Variants in GGA3 observed in about 807,000 individuals in gnomAD.
GGA3 encodes golgi associated, gamma adaptin ear containing, ARF binding protein 3.
GGA3 carries 57 observed loss-of-function variants against 77.5 expected under a neutral mutation model. That is an observed-to-expected ratio of 0.74 (90% CI 0.59 to 0.92). The LOEUF is 0.92. GGA3 is among the 40% of genes least tolerant of loss of function. GGA3 has a pLI of 0.00. For missense variants in GGA3, 970 were observed against 914.9 expected, an observed-to-expected ratio of 1.06 and a Z score of -0.78; for synonymous variants, 416 against 383.7, an observed-to-expected ratio of 1.08 and a Z score of -0.98.
chr17:75,251,609 G>C (rs763372081), intron 1 of GGA3, among the ~76,000 whole-genome samples: 3 of 150,738 alleles, frequency 2.0e-5, no homozygotes, highest in Non-Finnish European at 4.4e-5. Flanking sequence ...GGGAGGCTGA[G>C]GCAGGAGAAT....
In GGA3 at chr17:75,237,719, G is replaced by A; in HGVS notation, c.*560C>T. 6.9e-7 allele frequency: 1 copy of A among 1,442,522 alleles called. No individual in the cohort carries two copies. The allele number at this position is 1,442,522 out of a possible 1,614,324, so 89.4% of individuals were successfully genotyped here. A position where few individuals can be genotyped will look rare whatever the true frequency, so the allele number is the denominator to read the frequency against. On this transcript the variant is annotated 3_prime_UTR_variant, in exon 17 of 17. Transcript: ENST00000537686. ...ATGCTGTCCACCAGAGGCAGGGCTGGGGACTTTGCAGTATGCCAGTTCCTT... is the reference window on the plus strand; with the variant it reads ...ATGCTGTCCACCAGAGGCAGGGCTGAGGACTTTGCAGTATGCCAGTTCCTT...
Position 75,239,540 on chromosome 17 carries a change from G to C in GGA3, c.1615C>G (p.Pro539Ala). The change falls in exon 14 of 17, where the codon CCT (proline) becomes GCT (alanine). Residue 539 changes from proline to alanine, a missense_variant. By Grantham distance (27) the Pro-to-Ala change is conservative. Transcript: ENST00000537686. ...TSGLVKPTTSPLIPTTTPARP... is the reference protein window; with the variant it reads ...TSGLVKPTTSALIPTTTPARP... ...GCTGGGGTGGTGGTGGGGATGAGAG[G>C]GGAGGTAGTGGGTTTCACCAAGCCC... 6.4e-7 allele frequency: 1 copy of C among 1,560,964 alleles called. No individual in the cohort carries two copies. The highest frequency in any genetic ancestry group is 8.7e-7 in the Non-Finnish European group (1 of 1,153,600).
chr17:75,244,302 G>C, intron 4 of GGA3: 1 of 288,802 alleles, frequency 3.5e-6, no homozygotes, highest in South Asian at 3.7e-5. Context: ...CACAGGCCAA[G>C]AAAACCCACA....
intron 1 of GGA3, among the ~76,000 whole-genome samples, chr17:75,260,808 A>C (rs1340911551): frequency 6.6e-6 from 1 of 152,148 alleles, no homozygotes; most frequent in African/African-American, 2.4e-5. Context: ...TTCACAGTGC[A>C]ATGACAGCAA....
Position 75,243,471 on chromosome 17 carries a change from C to T in GGA3, c.400G>A (p.Ala134Thr), listed in dbSNP as rs369084305. Residue 134 changes from alanine to threonine, a missense_variant, in exon 5 of 17, where the codon GCC becomes ACC. Ala to Thr is a moderately conservative substitution (Grantham distance 58). Coordinates refer to ENST00000537686, the MANE Select transcript of GGA3 (RefSeq NM_138619.4). ...ALPEEAKIKD[A>T]YHMLKRQGIV... ...CCCTGTCTCTTCAGCATGTGGTAGG[C>T]GTCTTTGATCTTTGCTTCTTCTGGC... 64 of 1,614,062 alleles carry T rather than the reference C, an allele frequency of 4.0e-5. No individual in the cohort carries two copies. Among genetic ancestry groups the T allele is most frequent in the African/African-American group, 5.3e-5 (4 of 74,914 alleles).
rs1464300848 is a variant in GGA3, at chr17:75,246,367, C to G, written c.201+142G>C. The G allele has an allele frequency of 3.6e-5, 23 of 634,462 alleles. No homozygotes were observed. The Admixed American group carries it at 5.5e-4, about 15-fold the overall frequency. The allele number at this position is 634,462 out of a possible 1,614,324, so 39.3% of individuals were successfully genotyped here. ...CAGATTTGTGGAACAGCTGGCTGAA[C>G]AGATTCGAGATCTATCTAGTCTGTA... On this transcript the variant is annotated intron_variant, in intron 3 of 16. Coordinates refer to ENST00000537686, the MANE Select transcript of GGA3 (RefSeq NM_138619.4).
chr17:75,244,418 G>C (rs1015732147), intron 4 of GGA3: 16 of 548,020 alleles, frequency 2.9e-5, no homozygotes, highest in Non-Finnish European at 5.3e-5. Context: ...GATTTGGGCT[G>C]AGGGCGCTTC....
chr17:75,245,621 C>G (rs2076728634), intron 3 of GGA3, among the ~76,000 whole-genome samples: 1 of 152,106 alleles, frequency 6.6e-6, no homozygotes, highest in African/African-American at 2.4e-5. Flanking sequence ...ACTTCCCAGG[C>G]TCAAGCCATC....
At position 75,246,725 on chromosome 17, in the gene GGA3, T is replaced by C. The variant is rs2076771032; in HGVS notation, c.112A>G (p.Lys38Glu). Residue 38 changes from lysine to glutamate, a missense_variant, in exon 2 of 17, where the codon AAG becomes GAG. Coordinates refer to ENST00000537686, the MANE Select transcript of GGA3 (RefSeq NM_138619.4). ...YIIGFCDQIN[K>E]ELEGPQIAVR... ...GCTGAGACTCACCCTTCCAGCTCCT[T>C]GTTGATCTGATCACAGAAGCCAATT... is the stretch of plus-strand genomic sequence containing the variant. The C allele has an allele frequency of 6.2e-7, 1 of 1,613,796 alleles. No individual in the cohort carries two copies. The highest frequency in any genetic ancestry group is 1.6e-4 in the Middle Eastern group (1 of 6,062).
intron 1 of GGA3, among the ~76,000 whole-genome samples, chr17:75,256,724 A>C (rs1348238223): frequency 6.6e-6 from 1 of 152,058 alleles, no homozygotes; most frequent in Non-Finnish European, 1.5e-5. Context: ...CTCAGGGATT[A>C]TTCAGGCCCC....
chr17:75,262,013 GC>G (rs2077406694), upstream of GGA3: 4 of 1,599,992 alleles, frequency 2.5e-6, no homozygotes, highest in East Asian at 6.7e-5. Context: ...CGGCGGGGGG[GC>G]GCTGCGAGGA....
At chr17:75,239,727 C>G in intron 13 of GGA3, 62 bp downstream of exon 13, 1 of 1,581,068 alleles carries the variant, frequency 6.3e-7, no homozygotes, top group Admixed American at 1.7e-5. Context: ...TCAAAGTTAG[C>G]TCTGGTTCTG....
At chr17:75,238,442 C>T (rs1039865835) in intron 16 of GGA3, 53 bp from the exon 17 acceptor site, 67 of 1,468,150 alleles carry the variant, frequency 4.6e-5, no homozygotes, top group Middle Eastern at 1.7e-4. Flanking sequence ...CTTGGCAGGA[C>T]GCCCTCTATT....
rs1410341767 is a variant in GGA3, at chr17:75,238,225, C to T, written c.*54G>A. The T allele has an allele frequency of 1.4e-5, 23 of 1,593,538 alleles. No homozygotes were observed. The highest frequency in any genetic ancestry group is 4.5e-5 in the East Asian group (2 of 44,468). On this transcript the variant is annotated 3_prime_UTR_variant, in exon 17 of 17. Coordinates refer to ENST00000537686, the MANE Select transcript of GGA3 (RefSeq NM_138619.4). ...AGAGTGACGGGACCAGAGCCCTCCT[C>T]GTCTCAGGGCAGCCTGCCTGGCTTC...
At chr17:75,255,770 C>A (rs536613229) in intron 1 of GGA3, among the ~76,000 whole-genome samples, 158 of 152,322 alleles carry the variant, frequency 1.0e-3, no homozygotes, top group African/African-American at 3.1e-3. Context: ...ACCATATACT[C>A]TCCTATCCTC....
chr17:75,238,718 A>G lies in GGA3; in HGVS notation c.1995T>C (p.Ser665=). ...CAGGTGGCTGGATGGGGCTAAATGG[A>G]GAGAGTTCTGTCCCAGAAGGTGGCT... is the stretch of plus-strand genomic sequence containing the variant. ...KLQPPSGTEL[S]PFSPIQPPAA... The change falls in exon 16 of 17, where the codon TCT becomes TCC. Residue 665 remains serine, a synonymous_variant. Transcript: ENST00000537686. 6.2e-7 allele frequency: 1 copy of G among 1,613,990 alleles called. No individual in the cohort carries two copies. Among genetic ancestry groups the G allele is most frequent in the Non-Finnish European group, 8.5e-7 (1 of 1,179,912 alleles).
intron 3 of GGA3, 32 bp downstream of exon 3, chr17:75,246,477 C>A: frequency 1.4e-6 from 2 of 1,418,468 alleles, no homozygotes; most frequent in Non-Finnish European, 2.0e-6. Flanking sequence ...TGAAGGGCTG[C>A]GGTTTCCACC....
Position 75,239,145 on chromosome 17 carries a change from C to T in GGA3, c.1781-62G>A, listed in dbSNP as rs961565252. 2.6e-5 allele frequency: 38 copies of T among 1,486,822 alleles called. No homozygotes were observed. The Middle Eastern group carries it at 8.7e-4, about 34-fold the overall frequency. 92.1% of individuals were successfully genotyped at this position (1,486,822 alleles called of 1,614,324 possible). On this transcript the variant is annotated intron_variant, in intron 14 of 16. Transcript: ENST00000537686. ...CCAGAGACACCCAACAGAGCCCCGG[C>T]GGTGAGGAGAAAAGGGCTACTCCGT...
chr17:75,262,312 C>T, upstream of GGA3: 2 of 731,884 alleles, frequency 2.7e-6, no homozygotes, highest in East Asian at 2.5e-5. Flanking sequence ...GAGACTTTAC[C>T]CGCCTGCTTG....
Sources: gnomAD v4.1 joint callset for allele counts (sites outside exome capture counted in the v4.1 genomes callset) on GRCh38, gnomAD v4.1.1 for gene constraint, MANE v1.5 for transcripts, NCBI Gene and HGNC (gene_info 2026-07-23, HGNC 2026-07-21) for gene names.